RIMS4: variants seen among roughly 807,000 people sequenced by gnomAD.
The protein encoded by RIMS4 is regulating synaptic membrane exocytosis protein 4.
RIMS4 carries 9 observed loss-of-function variants against 29.0 expected under a neutral mutation model. The observed-to-expected ratio is 0.31, with a 90% CI of 0.19 to 0.54. The LOEUF is 0.54. Among genes scored for constraint, RIMS4 ranks in the 20% least tolerant of loss-of-function variants. The pLI, the probability that RIMS4 is intolerant of heterozygous loss-of-function variation, is 0.94. For missense variants in RIMS4, 193 were observed against 365.7 expected, an observed-to-expected ratio of 0.53 and a Z score of 3.85; for synonymous variants, 130 against 152.9, an observed-to-expected ratio of 0.85 and a Z score of 1.10.
chr20:44,786,519 C>T (rs1429074234), intron 1 of RIMS4, among the ~76,000 whole-genome samples: 4 of 152,224 alleles, frequency 2.6e-5, no homozygotes, highest in African/African-American at 4.8e-5. Flanking sequence ...GTGCCGAGGA[C>T]GCAGCATTGA....
At position 44,776,661 on chromosome 20, in the gene RIMS4, C is replaced by T. The variant is rs373138568; in HGVS notation, c.98-5248G>A. 6.6e-5 allele frequency among the ~76,000 whole-genome samples: 10 copies of T among 152,248 alleles called. No individual in the cohort carries two copies. The East Asian group carries it at 1.3e-3, about 21-fold the overall frequency. On this transcript the variant is annotated intron_variant, in intron 1 of 5. Transcript: ENST00000372851. ...GCACTAAATGTTAACAAGCAAGCAA[C>T]GTAAAAATGTAATAACATATAACCC...
Position 44,804,421 on chromosome 20 carries a change from C to A in RIMS4, c.97+5754G>T, listed in dbSNP as rs923917496. ...AAGGCAGTGGAACTGACGAGGAATG[C>A]AGAATGGGAGAAGGTTTATAGTGGG... On this transcript the variant is annotated intron_variant, in intron 1 of 5. Coordinates refer to ENST00000372851, the MANE Select transcript of RIMS4 (RefSeq NM_182970.4). Among the ~76,000 whole-genome samples the A allele has an allele frequency of 4.6e-5, 7 of 152,142 alleles. 1 individual carries two copies. The South Asian group carries it at 1.4e-3, about 31-fold the overall frequency.
chr20:44,777,433 T>C (rs1458147664), intron 1 of RIMS4, among the ~76,000 whole-genome samples: 2 of 152,224 alleles, frequency 1.3e-5, no homozygotes, highest in Non-Finnish European at 2.9e-5. Context: ...TTTTAGCATT[T>C]ACCCTGTACC....
At chr20:44,758,217 T>G (rs368026131) in intron 2 of RIMS4, 33 bp from the exon 3 acceptor site, 45 of 1,480,970 alleles carry the variant, frequency 3.0e-5, no homozygotes, top group Non-Finnish European at 4.0e-5. Context: ...AAAGCACACA[T>G]TCCCAGTGGT....
At chr20:44,786,349 C>T (rs1293890833) in intron 1 of RIMS4, among the ~76,000 whole-genome samples, 1 of 152,150 alleles carries the variant, frequency 6.6e-6, no homozygotes, top group Non-Finnish European at 1.5e-5. Context: ...CCTCACCTCC[C>T]GTGTGAATCT....
At position 44,756,392 on chromosome 20, in the gene RIMS4, G is replaced by A; in HGVS notation, c.592-40C>T. ...ACACAGTGGTTCAAATCCTGCCAGT[G>A]CCACTCACAGGCCCAGAAGCAGAAC... On this transcript the variant is annotated intron_variant, in intron 5 of 5. Transcript: ENST00000372851. This position sits in a 1 kb window ranked among gnomAD's most constrained non-coding sequence, Gnocchi z 5.9. The A allele has an allele frequency of 6.4e-7, 1 of 1,560,776 alleles. No individual in the cohort carries two copies. Among genetic ancestry groups the A allele is most frequent in the Non-Finnish European group, 8.8e-7 (1 of 1,140,030 alleles).
At chr20:44,796,321 T>A (rs1391081565) in intron 1 of RIMS4, among the ~76,000 whole-genome samples, 2 of 152,134 alleles carry the variant, frequency 1.3e-5, no homozygotes, top group Admixed American at 1.3e-4. Context: ...GGAACCAGAA[T>A]GTAATTCCAT....
intron 1 of RIMS4, among the ~76,000 whole-genome samples, chr20:44,783,679 C>T (rs2066195086): frequency 6.6e-6 from 1 of 151,994 alleles, no homozygotes; most frequent in African/African-American, 2.4e-5. Flanking sequence ...ATACATGCTT[C>T]AACATATATG....
intron 1 of RIMS4, among the ~76,000 whole-genome samples, chr20:44,777,966 C>G (rs1384618777): frequency 6.6e-6 from 1 of 152,240 alleles, no homozygotes; most frequent in African/African-American, 2.4e-5. Context: ...AGCCACTACT[C>G]TTCCTGTATC....
chr20:44,762,883 C>T (rs1427991848), intron 2 of RIMS4, among the ~76,000 whole-genome samples: 1 of 152,220 alleles, frequency 6.6e-6, no homozygotes, highest in Non-Finnish European at 1.5e-5. Context: ...TGTGTGACCT[C>T]TGACAAGTTG....
At chr20:44,783,211 T>C (rs1483600860) in intron 1 of RIMS4, among the ~76,000 whole-genome samples, 3 of 152,222 alleles carry the variant, frequency 2.0e-5, no homozygotes, top group Non-Finnish European at 4.4e-5. Flanking sequence ...CACACAAATG[T>C]TCACAGTAGC....
intron 1 of RIMS4, among the ~76,000 whole-genome samples, chr20:44,778,425 C>G (rs1190969952): frequency 6.6e-6 from 1 of 152,128 alleles, no homozygotes; most frequent in African/African-American, 2.4e-5. Flanking sequence ...GCTGTAATCC[C>G]AACACTTTGG....
At chr20:44,765,123 T>C (rs2066108170) in intron 2 of RIMS4, among the ~76,000 whole-genome samples, 1 of 152,196 alleles carries the variant, frequency 6.6e-6, no homozygotes, top group African/African-American at 2.4e-5. Context: ...ACAGAATTGT[T>C]AAGTAATTGA....
intron 2 of RIMS4, among the ~76,000 whole-genome samples, chr20:44,765,574 C>T (rs1361909296): frequency 6.6e-6 from 1 of 152,200 alleles, no homozygotes; most frequent in Non-Finnish European, 1.5e-5. Context: ...CTGCTTTGTC[C>T]TTTGGGCACG....
At chr20:44,767,174 T>C (rs1016308451) in intron 2 of RIMS4, among the ~76,000 whole-genome samples, 5 of 152,212 alleles carry the variant, frequency 3.3e-5, no homozygotes, top group African/African-American at 9.7e-5. Context: ...CTTGAACCCA[T>C]GTCTCAGGTC....
At chr20:44,782,569 T>C (rs891056812) in intron 1 of RIMS4, among the ~76,000 whole-genome samples, 1 of 152,164 alleles carries the variant, frequency 6.6e-6, no homozygotes, top group Non-Finnish European at 1.5e-5. Context: ...TGAACCACCA[T>C]GCCCAGCCAT....
At chr20:44,757,554 G>A in intron 4 of RIMS4, 116 bp downstream of exon 4, 3 of 766,938 alleles carry the variant, frequency 3.9e-6, no homozygotes, top group Non-Finnish European at 2.3e-6. Context: ...CATCAGAGTT[G>A]GGACAGGGGG....
In RIMS4 at chr20:44,784,521, T is replaced by A. The variant is rs148489109; in HGVS notation, c.98-13108A>T. On this transcript the variant is annotated intron_variant, in intron 1 of 5. Transcript: ENST00000372851. ...AGTGATGTTGGCCTTAGGCAGCACA[T>A]CCCCTGTTGCTCCAGCTTGGCTCAT... Among the ~76,000 whole-genome samples the A allele has an allele frequency of 1.7e-3, 259 of 152,292 alleles. 1 individual carries two copies. Among genetic ancestry groups the A allele is most frequent in the Middle Eastern group, 0.01 (3 of 292 alleles).
intron 1 of RIMS4, among the ~76,000 whole-genome samples, chr20:44,799,328 T>C (rs2066268050): frequency 6.6e-6 from 1 of 151,932 alleles, no homozygotes; most frequent in South Asian, 2.1e-4. Flanking sequence ...TATCCCTTGC[T>C]AGAGCCACAC....
Sources: allele counts gnomAD v4.1 joint callset (sites outside exome capture counted in the v4.1 genomes callset), GRCh38; gene constraint gnomAD v4.1.1; non-coding constraint Gnocchi (gnomAD v3.1); transcripts MANE v1.5; gene names NCBI Gene and HGNC (gene_info 2026-07-23, HGNC 2026-07-21).